SYT9: variants seen among roughly 807,000 people sequenced by gnomAD.
The protein encoded by SYT9 is synaptotagmin-9.
SYT9 carries 22 observed loss-of-function variants against 48.4 expected under a neutral mutation model. That is an observed-to-expected ratio of 0.45 (90% CI 0.32 to 0.65). The LOEUF (loss-of-function observed/expected upper bound fraction) is 0.65. Ranked by LOEUF, SYT9 falls within the 30% of genes least tolerant of loss-of-function variation. The probability of loss-of-function intolerance (pLI) is 0.03; values close to 1 mark genes in which losing one functional copy is unlikely to be tolerated. For missense variants in SYT9, 577 were observed against 622.0 expected (o/e 0.93, Z 0.77); for synonymous variants, 265 against 245.0 (o/e 1.08, Z -0.76).
intron 6 of SYT9, among the ~76,000 whole-genome samples, chr11:7,460,246 A>G (rs114562557): frequency 0.033 from 5,000 of 152,282 alleles, 264 homozygotes; most frequent in African/African-American, 0.11. Flanking sequence ...TTCTTTGCTA[A>G]ATTCTCATTA....
intron 3 of SYT9, among the ~76,000 whole-genome samples, chr11:7,390,786 T>C (rs1212542262): frequency 1.3e-5 from 2 of 152,186 alleles, no homozygotes; most frequent in Non-Finnish European, 2.9e-5. Context: ...GACAAAGATA[T>C]AGTCCTTTGC....
intron 3 of SYT9, among the ~76,000 whole-genome samples, chr11:7,375,683 G>A (rs989103953): frequency 2.0e-5 from 3 of 152,130 alleles, no homozygotes; most frequent in Non-Finnish European, 2.9e-5. Flanking sequence ...TAGCAATTGT[G>A]AATGGGAGTT....
At chr11:7,410,231 A>G (rs1420027026) in intron 3 of SYT9, among the ~76,000 whole-genome samples, 3 of 152,134 alleles carry the variant, frequency 2.0e-5, no homozygotes, top group Non-Finnish European at 4.4e-5. Flanking sequence ...GATTTTTAAA[A>G]CTGTTGAGAA....
chr11:7,278,168 GGGGGCTGAGCATGCTAATGTGTTAGCTCA>G (rs1386455951), intron 1 of SYT9, among the ~76,000 whole-genome samples: 3 of 152,126 alleles, frequency 2.0e-5, no homozygotes, highest in African/African-American at 7.2e-5. Context: ...CACAGGGCAA[GGGGGCTGAGCATGCTAATGTGTTAGCTCA>G]GGCCTCTCTT....
chr11:7,455,750 T>G (rs764686406), intron 6 of SYT9, among the ~76,000 whole-genome samples: 7 of 152,202 alleles, frequency 4.6e-5, no homozygotes, highest in Admixed American at 3.3e-4. Flanking sequence ...TGAAGGCCCC[T>G]GCTTGAGGAC....
chr11:7,432,579 AAAAATATATATACATATATATATATAT>A (rs1564902041), intron 6 of SYT9, among the ~76,000 whole-genome samples: 120 of 7,144 alleles, frequency 0.017, 1 homozygote, highest in Middle Eastern at 0.071. Context: ...AAAAAAAAAA[AAAAATATATATACATATATATATATAT>A]ATATATATAT....
In SYT9 at chr11:7,264,716, G is replaced by C. The variant is rs117996450; in HGVS notation, c.145+12385G>C. 6.2e-3 allele frequency among the ~76,000 whole-genome samples: 943 copies of C among 152,204 alleles called. 4 individuals carry two copies. The highest frequency in any genetic ancestry group is 0.01 in the Middle Eastern group (3 of 294). The stretch of plus-strand genomic sequence containing the variant: ...TCCAGGACATGATCATGAGAGGCAT[G>C]ATGGGGAGAGGGGGACAAATGATTG... On this transcript the variant is annotated intron_variant, in intron 1 of 6. Transcript: ENST00000318881.
At chr11:7,427,815 G>A (rs370893039) in intron 6 of SYT9, 1 of 152,228 alleles carries the variant, frequency 6.6e-6, no homozygotes, top group African/African-American at 2.4e-5. Flanking sequence ...AAGCAAAACT[G>A]ATTGCAGAGA....
At chr11:7,251,676 T>C (rs1172884729), upstream of SYT9, among the ~76,000 whole-genome samples, 1 of 151,846 alleles carries the variant, frequency 6.6e-6, no homozygotes, top group African/African-American at 2.4e-5. Flanking sequence ...GGATGAGGGG[T>C]GGAGTAGCGA....
rs543544610 is a variant in SYT9, at chr11:7,392,128, A to G, written c.1045-23914A>G. Among the ~76,000 whole-genome samples the G allele has an allele frequency of 2.6e-5, 4 of 151,748 alleles. No individual in the cohort carries two copies. In the South Asian group the frequency reaches 8.3e-4, roughly 32 times the overall value. On this transcript the variant is annotated intron_variant, in intron 3 of 6. Coordinates refer to ENST00000318881, the MANE Select transcript of SYT9 (RefSeq NM_175733.4). ...TATTTTAATTTGGTTCTACTTGTCAATTTTTGCTTTTCTTGCAATTGCTTT... is the reference window on the plus strand; with the variant it reads ...TATTTTAATTTGGTTCTACTTGTCAGTTTTTGCTTTTCTTGCAATTGCTTT...
In SYT9 at chr11:7,443,833, G is replaced by A. The variant is rs138371110; in HGVS notation, c.1468-22959G>A. ...AGGAGGTACTCCATAATTCTGTGACGGTTGTTGAATGAATGCATGGATTTT... is the reference window on the plus strand; with the variant it reads ...AGGAGGTACTCCATAATTCTGTGACAGTTGTTGAATGAATGCATGGATTTT... On this transcript the variant is annotated intron_variant, in intron 6 of 6. Transcript: ENST00000318881. Among the ~76,000 whole-genome samples the A allele has an allele frequency of 2.0e-4, 30 of 152,278 alleles. No homozygotes were observed. The East Asian group carries it at 4.6e-3, about 24-fold the overall frequency.
At chr11:7,412,206 G>A (rs1340222615) in intron 3 of SYT9, among the ~76,000 whole-genome samples, 2 of 152,166 alleles carry the variant, frequency 1.3e-5, no homozygotes, top group African/African-American at 4.8e-5. Flanking sequence ...ATCTGTTGCT[G>A]TAGAATTATT....
intron 3 of SYT9, among the ~76,000 whole-genome samples, chr11:7,338,652 A>G (rs191947189): frequency 1.7e-3 from 261 of 151,624 alleles, no homozygotes; most frequent in African/African-American, 6.2e-3. Context: ...ATGTAATTGC[A>G]TGGTTTTGGG....
At chr11:7,272,794 T>C (rs1286977385) in intron 1 of SYT9, among the ~76,000 whole-genome samples, 1 of 152,124 alleles carries the variant, frequency 6.6e-6, no homozygotes, top group African/African-American at 2.4e-5. Flanking sequence ...ATAAATAAGC[T>C]CTGAAGTGTC....
intron 6 of SYT9, among the ~76,000 whole-genome samples, chr11:7,422,346 G>A (rs1002731404): frequency 3.3e-5 from 5 of 152,146 alleles, no homozygotes; most frequent in Non-Finnish European, 5.9e-5. Flanking sequence ...CCTAATTTGC[G>A]GGTTCTTAAG....
At chr11:7,350,663 G>A (rs1849897512) in intron 3 of SYT9, among the ~76,000 whole-genome samples, 1 of 151,964 alleles carries the variant, frequency 6.6e-6, no homozygotes, top group African/African-American at 2.4e-5. Context: ...TTTCTTTCAG[G>A]TCCAATCTCT....
intron 6 of SYT9, among the ~76,000 whole-genome samples, chr11:7,434,053 T>A (rs972809964): frequency 1.3e-5 from 2 of 152,162 alleles, no homozygotes; most frequent in African/African-American, 4.8e-5. Context: ...ACTGTATTTC[T>A]GGTGTTAGTG....
At chr11:7,255,390 A>C (rs948064699) in intron 1 of SYT9, among the ~76,000 whole-genome samples, 1 of 152,016 alleles carries the variant, frequency 6.6e-6, no homozygotes, top group African/African-American at 2.4e-5. Flanking sequence ...CATTATAAAG[A>C]CTTTGGTTTT....
At chr11:7,459,324 A>G (rs1848202345) in intron 6 of SYT9, among the ~76,000 whole-genome samples, 1 of 152,218 alleles carries the variant, frequency 6.6e-6, no homozygotes, top group Non-Finnish European at 1.5e-5. Context: ...GTAAAAATGG[A>G]TGAGATGTAA....
Sources: allele counts gnomAD v4.1 joint callset (sites outside exome capture counted in the v4.1 genomes callset), GRCh38; gene constraint gnomAD v4.1.1; transcripts MANE v1.5; gene names NCBI Gene and HGNC (gene_info 2026-07-23, HGNC 2026-07-21).